The following PLA2G7 variants were observed in gnomAD, a reference collection of about 807,000 sequenced individuals.
PLA2G7 encodes phospholipase A2 group VII, also known as platelet-activating factor acetylhydrolase.
A neutral mutation model predicts 49.6 loss-of-function variants in PLA2G7; 63 were observed. The observed-to-expected ratio is 1.27, with a 90% CI of 1.04 to 1.57. The LOEUF is 1.57. PLA2G7 is among the 40% of genes most tolerant of loss of function. The pLI, the probability that PLA2G7 is intolerant of heterozygous loss-of-function variation, is 0.00. For missense variants in PLA2G7, 596 were observed against 521.2 expected, an observed-to-expected ratio of 1.14 and a Z score of -1.40; for synonymous variants, 193 against 169.9, an observed-to-expected ratio of 1.14 and a Z score of -1.06.
chr6:46,716,557 A>C, intron 3 of PLA2G7, 29 bp from the exon 4 acceptor site: 16 of 1,610,194 alleles, frequency 9.9e-6, no homozygotes, highest in Non-Finnish European at 1.2e-5. Flanking sequence ...ATGCACTTTT[A>C]GAGAAGTTGT....
chr6:46,732,438 A>G (rs554680974), intron 1 of PLA2G7, among the ~76,000 whole-genome samples: 8 of 151,656 alleles, frequency 5.3e-5, no homozygotes, highest in East Asian at 3.9e-4. Flanking sequence ...TTTTCTTCTC[A>G]TTATATGAAT....
chr6:46,727,142 T>G (rs1038086704), intron 1 of PLA2G7, among the ~76,000 whole-genome samples: 3 of 152,142 alleles, frequency 2.0e-5, no homozygotes, highest in African/African-American at 7.2e-5. Context: ...ACTTCATTTC[T>G]CCCACTGAAA....
At chr6:46,707,905 C>A (rs1388446871) in intron 10 of PLA2G7, 86 bp downstream of exon 10, 1 of 826,400 alleles carries the variant, frequency 1.2e-6, no homozygotes, top group East Asian at 2.6e-5. Flanking sequence ...TTCAGCAATT[C>A]TTTAATAGTT....
chr6:46,725,240 T>A (rs1014888032), intron 1 of PLA2G7, among the ~76,000 whole-genome samples: 1 of 152,080 alleles, frequency 6.6e-6, no homozygotes, highest in Non-Finnish European at 1.5e-5. Context: ...CTCTAAATTT[T>A]TTTTTTTCTT....
chr6:46,734,646 C>T (rs182849804), intron 1 of PLA2G7, among the ~76,000 whole-genome samples: 1 of 151,818 alleles, frequency 6.6e-6, no homozygotes, highest in Admixed American at 6.6e-5. Context: ...CACAGCGAAA[C>T]CCCGTCTCTA....
rs200974898 is a variant in PLA2G7 at position 46,705,265 on chromosome 6, A to C, written c.1077T>G (p.Phe359Leu). The change falls in exon 11 of 12, where the codon TTT (phenylalanine) becomes TTG (leucine). Residue 359 changes from phenylalanine (F) to leucine (L), a missense_variant. Physicochemically the swap from Phe to Leu is conservative, Grantham distance 22. Coordinates refer to ENST00000274793, the MANE Select transcript of PLA2G7 (RefSeq NM_005084.4). ...TGTGTCCAATTATTTTGCCAGTTGC[A>C]AAAGTGAAGTCAGCAAAATTCTGGT... ...SVHQNFADFTFATGKIIGHML... is the reference protein window; with the variant it reads ...SVHQNFADFTLATGKIIGHML... The C allele has an allele frequency of 1.4e-5, 23 of 1,612,476 alleles. No individual in the cohort carries two copies. Among genetic ancestry groups the C allele is most frequent in the Non-Finnish European group, 1.7e-5 (20 of 1,178,814 alleles).
At chr6:46,716,870 G>A (rs142014487) in intron 3 of PLA2G7, 105 bp downstream of exon 3, 1 of 1,157,330 alleles carries the variant, frequency 8.6e-7, no homozygotes, top group Non-Finnish European at 1.3e-6. Context: ...TGCAAAATGA[G>A]TCATTCTCAG....
chr6:46,704,545 A>C lies in PLA2G7; in HGVS notation c.*15T>G. On this transcript the variant is annotated 3_prime_UTR_variant, in exon 12 of 12. Transcript: ENST00000274793. ...ACAGTTTTGAAACAAGACTTTTAAA[A>C]AACCTATTTTAATCCTAATTGTATT... is the stretch of plus-strand genomic sequence containing the variant. 6.6e-7 allele frequency: 1 copy of C among 1,516,714 alleles called. No individual in the cohort carries two copies. Among genetic ancestry groups the C allele is most frequent in the Non-Finnish European group, 9.2e-7 (1 of 1,092,618 alleles). 94.0% of individuals were successfully genotyped at this position (1,516,714 alleles called of 1,614,324 possible).
intron 1 of PLA2G7, among the ~76,000 whole-genome samples, chr6:46,734,710 C>G (rs1170134103): frequency 6.6e-6 from 1 of 151,894 alleles, no homozygotes; most frequent in African/African-American, 2.4e-5. Context: ...GCAGTCCCAG[C>G]TACTCGGGAA....
chr6:46,705,677 A>G (rs950881042), intron 10 of PLA2G7, among the ~76,000 whole-genome samples: 2 of 152,206 alleles, frequency 1.3e-5, no homozygotes, highest in Non-Finnish European at 2.9e-5. Context: ...TCACCACTGA[A>G]CGTGGTATGT....
chr6:46,722,882 G>A lies in PLA2G7; in HGVS notation c.10C>T (p.Pro4Ser), dbSNP rs887390757. 1.2e-5 allele frequency: 20 copies of A among 1,611,074 alleles called. No homozygotes were observed. The highest frequency in any genetic ancestry group is 1.7e-5 in the Admixed American group (1 of 59,976). The change falls in exon 2 of 12, where the codon CCC becomes TCC. Residue 4 changes from proline (P) to serine (S), a missense_variant. Physicochemically the swap from Pro to Ser is moderately conservative, Grantham distance 74. Transcript: ENST00000274793. ...AGGCAGAAAAGCACATGCAATTTGG[G>A]TGGCACCATCTTGGGAGCTGAGCAG... Reference protein sequence around the residue: MVPPKLHVLFCLCG... With the variant: MVPSKLHVLFCLCG...
In PLA2G7 at chr6:46,714,490, A is replaced by ATG; in HGVS notation, c.439_440insCA (p.Val147AlafsTer28). 1 of 1,612,760 alleles carries ATG rather than the reference A, an allele frequency of 6.2e-7. No homozygotes were observed. ...TGCCCCAAGACCATGAGAAAAAACAACAAGTGGATATTTTTCACCAGGCCT... is the reference window on the plus strand; with the variant it reads ...TGCCCCAAGACCATGAGAAAAAACAATGCAAGTGGATATTTTTCACCAGGCCT... On this transcript the variant is annotated frameshift_variant, in exon 5 of 12. Transcript: ENST00000274793. LOFTEE classifies it high-confidence loss of function.
intron 10 of PLA2G7, among the ~76,000 whole-genome samples, chr6:46,707,097 G>A: frequency 6.6e-6 from 1 of 152,102 alleles, no homozygotes; most frequent in East Asian, 1.9e-4. Context: ...ACCTTATCAG[G>A]AGTTCTTTTT....
chr6:46,731,892 A>G (rs147885959), intron 1 of PLA2G7, among the ~76,000 whole-genome samples: 1 of 152,208 alleles, frequency 6.6e-6, no homozygotes, highest in African/African-American at 2.4e-5. Flanking sequence ...AAAATAGCCT[A>G]CGCCCATCTA....
chr6:46,708,029 G>T lies in PLA2G7; in HGVS notation c.1002C>A (p.Cys334Ter). ...YPANIIKMKKCYSPDKERKMI... is the reference protein window; with the variant it reads ...YPANIIKMKK ...TCTTTCTTTCTTTATCAGGTGAGTAGCATTTTTTCATTTTTATGATATTAG... is the reference window on the plus strand; with the variant it reads ...TCTTTCTTTCTTTATCAGGTGAGTATCATTTTTTCATTTTTATGATATTAG... Residue 334 changes from cysteine (C) to a stop codon, truncating the protein, a stop_gained, in exon 10 of 12, where the codon TGC becomes TGA. Coordinates refer to ENST00000274793, the MANE Select transcript of PLA2G7 (RefSeq NM_005084.4). LOFTEE classifies it high-confidence loss of function. 1 of 1,586,924 alleles carries T rather than the reference G, an allele frequency of 6.3e-7. No homozygotes were observed. Among genetic ancestry groups the T allele is most frequent in the South Asian group, 1.1e-5 (1 of 90,514 alleles).
intron 1 of PLA2G7, among the ~76,000 whole-genome samples, chr6:46,732,704 T>C (rs1765771813): frequency 6.6e-6 from 1 of 152,186 alleles, no homozygotes; most frequent in Non-Finnish European, 1.5e-5. Context: ...AAAACCTACA[T>C]GTTTGTATGT....
rs1462578675 is a variant in PLA2G7 at position 46,711,415 on chromosome 6, G to A, written c.663+81C>T. The A allele has an allele frequency of 4.8e-6, 7 of 1,466,984 alleles. No individual in the cohort carries two copies. In the Admixed American group the frequency reaches 6.7e-5, roughly 14 times the overall value. The allele number at this position is 1,466,984 out of a possible 1,614,324, so 90.9% of individuals were successfully genotyped here. On this transcript the variant is annotated intron_variant, in intron 7 of 11. Transcript: ENST00000274793. Reference sequence around the variant, plus strand: ...GAGAGCTAGGAGCATAACTTGCCAGGTGTAAAATTAAATTAACAAATGTCA... The same window carrying A: ...GAGAGCTAGGAGCATAACTTGCCAGATGTAAAATTAAATTAACAAATGTCA...
At chr6:46,710,805 G>A in intron 7 of PLA2G7, 147 bp from the exon 8 acceptor site, 1 of 681,232 alleles carries the variant, frequency 1.5e-6, no homozygotes, top group Non-Finnish European at 2.6e-6. Flanking sequence ...CTACCATAAT[G>A]ACACAGGCCC....
At chr6:46,734,322 G>A (rs770163560) in intron 1 of PLA2G7, among the ~76,000 whole-genome samples, 9 of 151,820 alleles carry the variant, frequency 5.9e-5, no homozygotes, top group Non-Finnish European at 8.8e-5. Context: ...GAGTGAGAGA[G>A]AGGGAGAGAG....
Sources: allele counts gnomAD v4.1 joint callset (sites outside exome capture counted in the v4.1 genomes callset), GRCh38; gene constraint gnomAD v4.1.1; transcripts MANE v1.5; gene names NCBI Gene and HGNC (gene_info 2026-07-23, HGNC 2026-07-21).